Variants in VPS13B observed in about 807,000 individuals in gnomAD.
VPS13B encodes the protein vacuolar protein sorting 13 homolog B.
A neutral mutation model predicts 426.4 loss-of-function variants in VPS13B; 285 were observed. The observed-to-expected ratio is 0.67, with a 90% confidence interval of 0.61 to 0.74. VPS13B has a LOEUF of 0.74. VPS13B is among the 30% of genes least tolerant of loss of function. The pLI is 0.00. For synonymous variants in VPS13B, 1,676 were observed against 1,676.4 expected, an observed-to-expected ratio of 1.00 and a Z score of 0.01; for missense variants, 4,537 against 4,782.6, an observed-to-expected ratio of 0.95 and a Z score of 1.51.
intron 19 of VPS13B, among the ~76,000 whole-genome samples, chr8:99,332,479 T>A (rs1203207760): frequency 1.3e-5 from 2 of 151,632 alleles, no homozygotes; most frequent in East Asian, 1.9e-4. Context: ...AAATAAAATA[T>A]TCTTTTATAT....
At chr8:99,575,588 T>C (rs1825738791) in intron 31 of VPS13B, 70 bp from the exon 32 acceptor site, 1 of 1,592,324 alleles carries the variant, frequency 6.3e-7, no homozygotes, top group Non-Finnish European at 8.6e-7. Flanking sequence ...TACAAAGACT[T>C]GTACAAATTT....
At chr8:99,683,141 A>G (rs1283616416) in intron 35 of VPS13B, among the ~76,000 whole-genome samples, 1 of 152,134 alleles carries the variant, frequency 6.6e-6, no homozygotes, top group African/African-American at 2.4e-5. Context: ...CTGTCTTTGC[A>G]CCTATTTTAA....
At chr8:99,664,949 TC>T (rs1830418562) in intron 35 of VPS13B, among the ~76,000 whole-genome samples, 1 of 152,180 alleles carries the variant, frequency 6.6e-6, no homozygotes, top group Non-Finnish European at 1.5e-5. Context: ...GTAAAACTGT[TC>T]CTATTTCTCC....
intron 19 of VPS13B, among the ~76,000 whole-genome samples, chr8:99,373,454 G>C (rs1215594063): frequency 6.6e-6 from 1 of 152,144 alleles, no homozygotes. Flanking sequence ...ACATCTTAAA[G>C]CATTAATTAC....
rs753911390 is a variant in VPS13B at position 99,136,662 on chromosome 8, C to T, written c.1564-3C>T. On this transcript the variant is annotated splice_polypyrimidine_tract_variant and splice_region_variant and intron_variant, in intron 11 of 61. Transcript: ENST00000357162. The stretch of plus-strand genomic sequence containing the variant: ...TATTCTGTTTGCATTGCTTTGTTGG[C>T]AGGAGACATACACTGAGATAGCTGG... 1.9e-6 allele frequency: 3 copies of T among 1,613,232 alleles called. No homozygotes were observed. The East Asian group carries it at 6.7e-5, about 36-fold the overall frequency.
chr8:99,087,225 C>G (rs544099416), intron 3 of VPS13B, among the ~76,000 whole-genome samples: 1 of 152,154 alleles, frequency 6.6e-6, no homozygotes, highest in East Asian at 1.9e-4. Context: ...TAGCAATCAG[C>G]GAGGCTCTGT....
chr8:99,203,417 G>A (rs1814478728), intron 17 of VPS13B, among the ~76,000 whole-genome samples: 1 of 152,008 alleles, frequency 6.6e-6, no homozygotes, highest in African/African-American at 2.4e-5. Flanking sequence ...TACTGAACAG[G>A]CAAAAGCTGG....
chr8:99,044,853 TACACACACACACAC>T (rs60056711), intron 3 of VPS13B, among the ~76,000 whole-genome samples: 96 of 139,874 alleles, frequency 6.9e-4, no homozygotes, highest in African/African-American at 1.3e-3. Context: ...TTCCATTTTA[TACACACACACACAC>T]ACACACACAC....
intron 16 of VPS13B, among the ~76,000 whole-genome samples, chr8:99,188,444 G>A (rs1224314111): frequency 6.6e-6 from 1 of 152,044 alleles, no homozygotes; most frequent in Non-Finnish European, 1.5e-5. Context: ...ATATTCCTTT[G>A]TATGGATCGA....
chr8:99,125,309 C>G (rs949449857), intron 8 of VPS13B, among the ~76,000 whole-genome samples: 1 of 152,170 alleles, frequency 6.6e-6, no homozygotes, highest in African/African-American at 2.4e-5. Flanking sequence ...AGGAAGCATC[C>G]AGCACAGGCG....
At chr8:99,207,302 A>T (rs1814786028) in intron 17 of VPS13B, among the ~76,000 whole-genome samples, 1 of 152,164 alleles carries the variant, frequency 6.6e-6, no homozygotes, top group South Asian at 2.1e-4. Context: ...AATAACTCCC[A>T]CAAGCTTAGC....
intron 16 of VPS13B, among the ~76,000 whole-genome samples, chr8:99,189,304 A>C (rs900699535): frequency 3.9e-5 from 6 of 152,338 alleles, no homozygotes; most frequent in Non-Finnish European, 8.8e-5. Flanking sequence ...GACTATGTAT[A>C]CTAGGCTGTT....
chr8:99,036,277 A>C (rs553438739), intron 2 of VPS13B, among the ~76,000 whole-genome samples: 1 of 152,206 alleles, frequency 6.6e-6, no homozygotes, highest in Non-Finnish European at 1.5e-5. Flanking sequence ...TCTGTTCTGA[A>C]ATTCTTTGCT....
intron 15 of VPS13B, among the ~76,000 whole-genome samples, chr8:99,161,378 G>C (rs1315684452): frequency 6.6e-6 from 1 of 152,104 alleles, no homozygotes; most frequent in African/African-American, 2.4e-5. Flanking sequence ...AATGAAGTGA[G>C]TCTCTATACT....
At chr8:99,444,597 C>G (rs1001814084) in intron 23 of VPS13B, among the ~76,000 whole-genome samples, 19 of 152,054 alleles carry the variant, frequency 1.2e-4, no homozygotes, top group Admixed American at 5.2e-4. Flanking sequence ...TTGCATTTCC[C>G]TAATGACTAA....
At chr8:99,424,707 A>T (rs1816590334) in intron 21 of VPS13B, among the ~76,000 whole-genome samples, 1 of 152,198 alleles carries the variant, frequency 6.6e-6, no homozygotes, top group African/African-American at 2.4e-5. Flanking sequence ...AATAACTAAG[A>T]TCAGAGCAGA....
At chr8:99,201,438 A>T (rs2132758273) in intron 17 of VPS13B, among the ~76,000 whole-genome samples, 1 of 152,296 alleles carries the variant, frequency 6.6e-6, no homozygotes, top group Middle Eastern at 3.4e-3. Flanking sequence ...AAGCAATAAC[A>T]AATTTAACTT....
rs1034965057 is a variant in VPS13B, at chr8:99,349,100, G to A, written c.2825-35108G>A. The stretch of plus-strand genomic sequence containing the variant: ...TGTAATCCCAGCACTTTGGGAGGCC[G>A]AGGCGGGCGGATCACGAGGTCAGGA... On this transcript the variant is annotated intron_variant, in intron 19 of 61. Coordinates refer to ENST00000357162, the MANE Select transcript of VPS13B (RefSeq NM_152564.5). Among the ~76,000 whole-genome samples, 11 of 151,168 alleles carry A rather than the reference G, an allele frequency of 7.3e-5. No individual in the cohort carries two copies. In the East Asian group the frequency reaches 9.7e-4, roughly 13 times the overall value.
chr8:99,022,531 G>A (rs964043593), intron 2 of VPS13B, among the ~76,000 whole-genome samples: 4 of 152,044 alleles, frequency 2.6e-5, no homozygotes, highest in African/African-American at 9.7e-5. Context: ...TATATAGTCT[G>A]TTTTTGTAAG....
Sources: gnomAD v4.1 joint callset for allele counts (sites outside exome capture counted in the v4.1 genomes callset) on GRCh38, gnomAD v4.1.1 for gene constraint, MANE v1.5 for transcripts, NCBI Gene and HGNC (gene_info 2026-07-23, HGNC 2026-07-21) for gene names.